TRAPPC11: variants seen among roughly 807,000 people sequenced by gnomAD.
TRAPPC11 encodes foie gras homolog.
Under a neutral mutation model 151.2 loss-of-function variants are expected in TRAPPC11, and 104 were observed. The ratio of observed to expected loss-of-function variants is 0.69; its 90% CI spans 0.59 to 0.81. The LOEUF (loss-of-function observed/expected upper bound fraction) is 0.81. TRAPPC11 is among the 30% of genes least tolerant of loss of function. The pLI is 0.00. For missense variants in TRAPPC11, 1,230 were observed against 1,349.6 expected (o/e 0.91, Z 1.39); for synonymous variants, 456 against 472.3 (o/e 0.97, Z 0.45).
Position 183,697,792 on chromosome 4 carries a change from A to G in TRAPPC11, c.2808A>G (p.Pro936=). 1 of 1,613,986 alleles carries G rather than the reference A, an allele frequency of 6.2e-7. No homozygotes were observed. Among genetic ancestry groups the G allele is most frequent in the African/African-American group, 1.3e-5 (1 of 74,992 alleles). ...TIVSSELQLA[P]SMTTVDQLES... Reference sequence around the variant, plus strand: ...TTTCCAGTGAGCTCCAGCTTGCTCCATCCATGACCACAGTGGACCAGCTCG... The same window carrying G: ...TTTCCAGTGAGCTCCAGCTTGCTCCGTCCATGACCACAGTGGACCAGCTCG... Residue 936 remains proline, a synonymous_variant, in exon 25 of 30, where the codon CCA becomes CCG. Coordinates refer to ENST00000334690, the MANE Select transcript of TRAPPC11 (RefSeq NM_021942.6).
chr4:183,695,327 A>G (rs1188566488), intron 23 of TRAPPC11, among the ~76,000 whole-genome samples: 1 of 152,152 alleles, frequency 6.6e-6, no homozygotes, highest in Non-Finnish European at 1.5e-5. Context: ...CTGTAAGTTG[A>G]CTTACATATA....
Position 183,693,722 on chromosome 4 carries a change from G to T in TRAPPC11, c.2371G>T (p.Ala791Ser), listed in dbSNP as rs1302946870. ...CCAAATCAGAGATGTGAAGCTCACC[G>T]CTGGCTTAAAACCAGGTAAGCATTC... The part of the protein sequence containing the change: ...KTQIRDVKLT[A>S]GLKPGQDANL... The change falls in exon 21 of 30, where the codon GCT becomes TCT. Residue 791 changes from alanine to serine, a missense_variant. Coordinates refer to ENST00000334690, the MANE Select transcript of TRAPPC11 (RefSeq NM_021942.6). 1 of 1,613,460 alleles carries T rather than the reference G, an allele frequency of 6.2e-7. No homozygotes were observed. Among genetic ancestry groups the T allele is most frequent in the Non-Finnish European group, 8.5e-7 (1 of 1,179,862 alleles).
At chr4:183,666,505 G>A in intron 3 of TRAPPC11, 79 bp downstream of exon 3, 1 of 1,432,368 alleles carries the variant, frequency 7.0e-7, no homozygotes, top group Non-Finnish European at 9.6e-7. Flanking sequence ...AGGCAATGGA[G>A]TACCGTTCAG....
At chr4:183,682,877 A>T (rs753346573) in intron 11 of TRAPPC11, 52 bp downstream of exon 11, 1 of 1,204,776 alleles carries the variant, frequency 8.3e-7, no homozygotes, top group Non-Finnish European at 1.2e-6. Context: ...AGGCAACAAT[A>T]GCTATAATAG....
intron 17 of TRAPPC11, among the ~76,000 whole-genome samples, chr4:183,686,140 T>C (rs1424072769): frequency 6.6e-6 from 1 of 151,112 alleles, no homozygotes; most frequent in African/African-American, 2.4e-5. Context: ...GCCTGGCCTA[T>C]TTATTATTCT....
Position 183,659,302 on chromosome 4 carries a change from G to C in TRAPPC11, c.-167G>C. Reference sequence around the variant, plus strand: ...CTGTGCCGGGGGAGGTGGGTACAGGGAAGTCTCGCCTGTTGGAACTGGCTG... The same window carrying C: ...CTGTGCCGGGGGAGGTGGGTACAGGCAAGTCTCGCCTGTTGGAACTGGCTG... On this transcript the variant is annotated 5_prime_UTR_variant, in exon 1 of 30. Coordinates refer to ENST00000334690, the MANE Select transcript of TRAPPC11 (RefSeq NM_021942.6). 3.8e-6 allele frequency: 1 copy of C among 261,782 alleles called. No homozygotes were observed. The highest frequency in any genetic ancestry group is 7.2e-6 in the Non-Finnish European group (1 of 138,720). 16.2% of individuals were successfully genotyped at this position (261,782 alleles called of 1,614,324 possible).
chr4:183,691,307 CT>C lies in TRAPPC11; in HGVS notation c.1894-4del, dbSNP rs1579201788. On this transcript the variant is annotated splice_region_variant and splice_polypyrimidine_tract_variant and intron_variant, in intron 18 of 29. Transcript: ENST00000334690. Reference sequence around the variant, plus strand: ...CTGACATTTGATGACCCCTGTTCACCTTTTTCAGGAATACAACCAGTTCTGT... The same window carrying C: ...CTGACATTTGATGACCCCTGTTCACCTTTTCAGGAATACAACCAGTTCTGT... 2.8e-5 allele frequency: 41 copies of C among 1,478,502 alleles called. No individual in the cohort carries two copies. Among genetic ancestry groups the C allele is most frequent in the Admixed American group, 9.5e-5 (5 of 52,466 alleles). 91.6% of individuals were successfully genotyped at this position (1,478,502 alleles called of 1,614,324 possible).
chr4:183,680,371 T>G, intron 10 of TRAPPC11, 104 bp downstream of exon 10: 1 of 1,265,610 alleles, frequency 7.9e-7, no homozygotes, highest in South Asian at 2.0e-5. Context: ...GTCTTTAAAT[T>G]TAATTAGTTT....
At position 183,712,764 on chromosome 4, in the gene TRAPPC11, A is replaced by G. The variant is rs758243063; in HGVS notation, c.*120A>G. ...GTTAACCTTTTCTATTTTTTAATGG[A>G]TGTTATACCAACTATTCAGAGGAAC... On this transcript the variant is annotated 3_prime_UTR_variant, in exon 30 of 30. Coordinates refer to ENST00000334690, the MANE Select transcript of TRAPPC11 (RefSeq NM_021942.6). 21 of 927,122 alleles carry G rather than the reference A, an allele frequency of 2.3e-5. No individual in the cohort carries two copies. Among genetic ancestry groups the G allele is most frequent in the Non-Finnish European group, 3.6e-5 (21 of 585,374 alleles). 57.4% of individuals were successfully genotyped at this position (927,122 alleles called of 1,614,324 possible). A position where few individuals can be genotyped will look rare whatever the true frequency, so the allele number is the denominator to read the frequency against.
intron 2 of TRAPPC11, 39 bp from the exon 3 acceptor site, chr4:183,666,218 C>G (rs1302431347): frequency 6.3e-7 from 1 of 1,588,998 alleles, no homozygotes. Context: ...GGTTTCTGCT[C>G]CTGTCAGGTA....
At chr4:183,693,795 G>T in intron 21 of TRAPPC11, 58 bp downstream of exon 21, 1 of 1,602,434 alleles carries the variant, frequency 6.2e-7, no homozygotes, top group Non-Finnish European at 8.5e-7. Flanking sequence ...ATAAGCATCA[G>T]TGATGTCAAC....
At chr4:183,673,631 A>G (rs926812539) in intron 5 of TRAPPC11, among the ~76,000 whole-genome samples, 1 of 152,106 alleles carries the variant, frequency 6.6e-6, no homozygotes, top group African/African-American at 2.4e-5. Context: ...ACTTGATTGC[A>G]CCACTGCACT....
rs13435155 is a variant in TRAPPC11 at position 183,710,537 on chromosome 4, C to T, written c.3357+1963C>T. Among the ~76,000 whole-genome samples, 12 of 151,558 alleles carry T rather than the reference C, an allele frequency of 7.9e-5. No homozygotes were observed. The South Asian group carries it at 2.1e-3, about 26-fold the overall frequency. ...TCCTGACCTCGTGATCCTCCCGCCTCGGCCTCCTAAAGTGCTGGGATTACA... is the reference window on the plus strand; with the variant it reads ...TCCTGACCTCGTGATCCTCCCGCCTTGGCCTCCTAAAGTGCTGGGATTACA... On this transcript the variant is annotated intron_variant, in intron 29 of 29. Coordinates refer to ENST00000334690, the MANE Select transcript of TRAPPC11 (RefSeq NM_021942.6).
At chr4:183,667,956 C>A in intron 4 of TRAPPC11, 47 bp from the exon 5 acceptor site, 3 of 1,176,042 alleles carry the variant, frequency 2.6e-6, no homozygotes, top group Non-Finnish European at 3.8e-6. Context: ...TGGGAAGCTA[C>A]ATTAGTTATT....
intron 23 of TRAPPC11, 110 bp downstream of exon 23, chr4:183,694,833 A>G: frequency 9.1e-7 from 1 of 1,095,842 alleles, no homozygotes. Flanking sequence ...AGGTGCTTAT[A>G]GTCTGTTATA....
rs13435544 is a variant in TRAPPC11 at position 183,710,545 on chromosome 4, T to C, written c.3357+1971T>C. Among the ~76,000 whole-genome samples, 369 of 150,934 alleles carry C rather than the reference T, an allele frequency of 2.4e-3. 1 individual carries two copies. The highest frequency in any genetic ancestry group is 8.4e-3 in the African/African-American group (348 of 41,224). On this transcript the variant is annotated intron_variant, in intron 29 of 29. Transcript: ENST00000334690. Reference sequence around the variant, plus strand: ...TCGTGATCCTCCCGCCTCGGCCTCCTAAAGTGCTGGGATTACAGGTGTGAG... The same window carrying C: ...TCGTGATCCTCCCGCCTCGGCCTCCCAAAGTGCTGGGATTACAGGTGTGAG...
intron 19 of TRAPPC11, among the ~76,000 whole-genome samples, chr4:183,692,744 C>T (rs892437513): frequency 3.9e-5 from 6 of 152,124 alleles, no homozygotes; most frequent in African/African-American, 1.4e-4. Flanking sequence ...GTTAGTGTCT[C>T]TGTTTTAAAG....
chr4:183,695,584 T>C (rs528367637), intron 23 of TRAPPC11, among the ~76,000 whole-genome samples: 1 of 152,306 alleles, frequency 6.6e-6, no homozygotes, highest in East Asian at 1.9e-4. Context: ...ATGTTTATGT[T>C]CTCTTTTGTT....
intron 23 of TRAPPC11, among the ~76,000 whole-genome samples, chr4:183,695,520 C>T (rs1736495452): frequency 2.0e-5 from 3 of 152,112 alleles, no homozygotes. Flanking sequence ...TTTTCTATTT[C>T]TAGAGATTTT....
Sources: allele counts gnomAD v4.1 joint callset (sites outside exome capture counted in the v4.1 genomes callset), GRCh38; gene constraint gnomAD v4.1.1; transcripts MANE v1.5; gene names NCBI Gene and HGNC (gene_info 2026-07-23, HGNC 2026-07-21).